The following NPSR1 variants were observed in gnomAD, a reference collection of about 807,000 sequenced individuals.
NPSR1 encodes the protein neuropeptide S receptor.
A neutral mutation model predicts 46.9 loss-of-function variants in NPSR1; 48 were observed. That is an observed-to-expected ratio of 1.02 (90% confidence interval 0.81 to 1.30). The LOEUF (loss-of-function observed/expected upper bound fraction) is 1.30, where lower values mean the gene tolerates loss of function less well. Among genes scored for constraint, NPSR1 ranks in the 50% most tolerant of loss-of-function variants. The probability of loss-of-function intolerance (pLI) is 0.00; values close to 1 mark genes in which losing one functional copy is unlikely to be tolerated. For missense variants in NPSR1, 450 were observed against 449.5 expected (o/e 1.00, Z -0.01); for synonymous variants, 176 against 168.1 (o/e 1.05, Z -0.36).
chr7:34,826,934 C>A (rs972052327), intron 4 of NPSR1, among the ~76,000 whole-genome samples: 1 of 150,690 alleles, frequency 6.6e-6, no homozygotes, highest in African/African-American at 2.4e-5. Context: ...TGGCAAATAA[C>A]TCTCAAAAAC....
intron 3 of NPSR1, among the ~76,000 whole-genome samples, chr7:34,780,268 G>T (rs911292863): frequency 1.3e-5 from 2 of 152,126 alleles, no homozygotes; most frequent in Admixed American, 6.6e-5. Flanking sequence ...TTGGAGGTTG[G>T]CAACCACACT....
At chr7:34,792,653 G>GTATATATATATTTTTATATATATGTA (rs1787949996) in intron 3 of NPSR1, among the ~76,000 whole-genome samples, 3 of 89,448 alleles carry the variant, frequency 3.4e-5, no homozygotes, top group Admixed American at 1.2e-4. Flanking sequence ...ATATATATAT[G>GTATATATATATTTTTATATATATGTA]TATATATATA....
intron 2 of NPSR1, among the ~76,000 whole-genome samples, chr7:34,732,374 A>C (rs1784464279): frequency 6.6e-6 from 1 of 152,182 alleles, no homozygotes; most frequent in Admixed American, 6.5e-5. Context: ...TCAACTTTCT[A>C]ATATATCAGT....
chr7:34,683,300 C>T (rs892112892), intron 1 of NPSR1, among the ~76,000 whole-genome samples: 22 of 151,656 alleles, frequency 1.5e-4, no homozygotes, highest in African/African-American at 5.1e-4. Context: ...AAAAAAAATT[C>T]GCCGGGCGTG....
chr7:34,662,243 T>C (rs1040794054), intron 1 of NPSR1, among the ~76,000 whole-genome samples: 3 of 152,210 alleles, frequency 2.0e-5, no homozygotes, highest in African/African-American at 7.2e-5. Flanking sequence ...ACACAATTAG[T>C]CTATTGTTTA....
chr7:34,712,678 C>A (rs1783362676), intron 2 of NPSR1, among the ~76,000 whole-genome samples: 1 of 152,198 alleles, frequency 6.6e-6, no homozygotes, highest in Non-Finnish European at 1.5e-5. Context: ...AGCAGAGGAA[C>A]AACCGAAACA....
intron 8 of NPSR1, among the ~76,000 whole-genome samples, chr7:34,866,630 A>T (rs1396346808): frequency 6.6e-6 from 1 of 151,638 alleles, no homozygotes; most frequent in East Asian, 1.9e-4. Context: ...GATCTAGAAA[A>T]CCATGATCAT....
At chr7:34,663,069 G>GTGTGAGTGTGTGTGTGTGTGTT in intron 1 of NPSR1, among the ~76,000 whole-genome samples, 1 of 71,030 alleles carries the variant, frequency 1.4e-5, no homozygotes, top group East Asian at 2.9e-4. Flanking sequence ...CTCTCTCTCT[G>GTGTGAGTGTGTGTGTGTGTGTT]TGTGTGTGTG....
intron 1 of NPSR1, among the ~76,000 whole-genome samples, chr7:34,665,857 C>T (rs545500013): frequency 1.3e-5 from 2 of 152,180 alleles, no homozygotes; most frequent in South Asian, 2.1e-4. Context: ...TACAAATACA[C>T]AGTGACAGAC....
chr7:34,818,908 G>A (rs1250889782), intron 4 of NPSR1, among the ~76,000 whole-genome samples: 10 of 152,010 alleles, frequency 6.6e-5, no homozygotes, highest in Non-Finnish European at 1.5e-4. Flanking sequence ...CACCTTATAC[G>A]AAAATTAACT....
chr7:34,663,743 T>C (rs1791592299), intron 1 of NPSR1, among the ~76,000 whole-genome samples: 1 of 152,220 alleles, frequency 6.6e-6, no homozygotes, highest in Admixed American at 6.5e-5. Context: ...GATGACACAG[T>C]GTTCTTCCGA....
chr7:34,775,412 G>T (rs1032103960), intron 2 of NPSR1, among the ~76,000 whole-genome samples: 2 of 152,106 alleles, frequency 1.3e-5, no homozygotes, highest in South Asian at 2.1e-4. Context: ...TGAGTAAGAT[G>T]ATATTAGTTC....
chr7:34,699,679 C>G (rs1413065728), intron 2 of NPSR1, among the ~76,000 whole-genome samples: 3 of 152,156 alleles, frequency 2.0e-5, no homozygotes, highest in Non-Finnish European at 4.4e-5. Flanking sequence ...TGTGCCGTCT[C>G]TTCTTGTAGG....
At chr7:34,768,464 T>G (rs1336084333) in intron 2 of NPSR1, 3 of 152,096 alleles carry the variant, frequency 2.0e-5, no homozygotes, top group Admixed American at 2.0e-4. Flanking sequence ...AAATAAAGAT[T>G]AATATTAAAA....
chr7:34,845,098 CT>C, intron 7 of NPSR1, 116 bp downstream of exon 7: 1 of 737,732 alleles, frequency 1.4e-6, no homozygotes, highest in Non-Finnish European at 2.5e-6. Flanking sequence ...CATCGGTCTG[CT>C]TAGAAAGGAA....
At position 34,834,375 on chromosome 7, in the gene NPSR1, T is replaced by C. The variant is rs1276543721; in HGVS notation, c.681-9T>C. Reference sequence around the variant, plus strand: ...GTCACTTTAATACTACCTTTGGTTCTTTCTGCAGCATCATGTATGGCATTG... The same window carrying C: ...GTCACTTTAATACTACCTTTGGTTCCTTCTGCAGCATCATGTATGGCATTG... On this transcript the variant is annotated splice_polypyrimidine_tract_variant and intron_variant, in intron 5 of 8. Transcript: ENST00000360581. The C allele has an allele frequency of 6.2e-7, 1 of 1,611,812 alleles. No homozygotes were observed. The highest frequency in any genetic ancestry group is 8.5e-7 in the Non-Finnish European group (1 of 1,177,884).
chr7:34,875,695 G>T (rs572481607), intron 8 of NPSR1, among the ~76,000 whole-genome samples: 1 of 152,314 alleles, frequency 6.6e-6, no homozygotes, highest in South Asian at 2.1e-4. Flanking sequence ...ATGAGGAGCT[G>T]CAGGGACAGT....
chr7:34,784,352 C>T (rs1418473528), intron 3 of NPSR1, among the ~76,000 whole-genome samples: 7 of 152,158 alleles, frequency 4.6e-5, no homozygotes, highest in South Asian at 4.2e-4. Context: ...TTTTGAGATA[C>T]ATCCCATCAA....
intron 1 of NPSR1, among the ~76,000 whole-genome samples, chr7:34,663,067 C>CTCTCTCTCTCTCTCTGTGTGTGTG (rs35826710): frequency 2.0e-4 from 20 of 99,422 alleles, no homozygotes; most frequent in South Asian, 6.1e-4. Flanking sequence ...CTCTCTCTCT[C>CTCTCTCTCTCTCTCTGTGTGTGTG]TGTGTGTGTG....
Sources: gnomAD v4.1 joint callset for allele counts (sites outside exome capture counted in the v4.1 genomes callset) on GRCh38, gnomAD v4.1.1 for gene constraint, MANE v1.5 for transcripts, NCBI Gene and HGNC (gene_info 2026-07-23, HGNC 2026-07-21) for gene names.